MCC: variants seen among roughly 807,000 people sequenced by gnomAD.
The protein encoded by MCC is MCC regulator of Wnt signaling pathway, also known as colorectal mutant cancer protein.
Under a neutral mutation model 116.2 loss-of-function variants are expected in MCC, and 90 were observed. That is an observed-to-expected ratio of 0.77 (90% CI 0.65 to 0.92). The LOEUF (loss-of-function observed/expected upper bound fraction) is 0.92, where lower values mean the gene tolerates loss of function less well. Among genes scored for constraint, MCC ranks in the 40% least tolerant of loss-of-function variants. The probability of loss-of-function intolerance (pLI) is 0.00; values close to 1 mark genes in which losing one functional copy is unlikely to be tolerated. For missense variants in MCC, 1,516 were observed against 1,312.2 expected, an observed-to-expected ratio of 1.16 and a Z score of -2.40; for synonymous variants, 578 against 510.5, an observed-to-expected ratio of 1.13 and a Z score of -1.78.
intron 1 of MCC, among the ~76,000 whole-genome samples, chr5:113,410,015 T>C (rs1769937853): frequency 6.6e-6 from 1 of 152,198 alleles, no homozygotes; most frequent in Non-Finnish European, 1.5e-5. Context: ...GATACAGAAA[T>C]ATAGTTCTAC....
At chr5:113,328,909 G>A (rs941558670) in intron 3 of MCC, among the ~76,000 whole-genome samples, 25 of 152,118 alleles carry the variant, frequency 1.6e-4, no homozygotes, top group African/African-American at 6.0e-4. Context: ...TGTCGAATGG[G>A]TCCGAAGAAC....
At chr5:113,262,332 C>CA (rs1765248612) in intron 3 of MCC, among the ~76,000 whole-genome samples, 1 of 152,108 alleles carries the variant, frequency 6.6e-6, no homozygotes, top group Non-Finnish European at 1.5e-5. Flanking sequence ...AAAAAACAAG[C>CA]GAAACCATCC....
intron 3 of MCC, among the ~76,000 whole-genome samples, chr5:113,158,895 T>C (rs185920210): frequency 4.4e-4 from 67 of 152,272 alleles, no homozygotes; most frequent in African/African-American, 1.1e-3. Flanking sequence ...GGCTCTCCCT[T>C]GCCCGAGGGA....
chr5:113,403,842 A>C (rs1262113571), intron 1 of MCC, among the ~76,000 whole-genome samples: 1 of 152,124 alleles, frequency 6.6e-6, no homozygotes, highest in Non-Finnish European at 1.5e-5. Context: ...CTTTGGTTTT[A>C]AAAATGTCAA....
rs368111770 is a variant in MCC, at chr5:113,385,128, A to G, written c.255T>C (p.Asn85=). The change falls in exon 2 of 19, where the codon AAT becomes AAC. Residue 85 remains asparagine (N), a synonymous_variant. Coordinates refer to ENST00000408903, the MANE Select transcript of MCC (RefSeq NM_001085377.2). ...TGAAATCCTGAAAGGAAATCTTCCC[A>G]TTTTCATCTGCTCCCAACTGGTTCA... is the stretch of plus-strand genomic sequence containing the variant. ...EIMNQLGADE[N]GKISFQDFTR... 6.2e-7 allele frequency: 1 copy of G among 1,614,068 alleles called. No homozygotes were observed. Among genetic ancestry groups the G allele is most frequent in the Non-Finnish European group, 8.5e-7 (1 of 1,180,022 alleles).
intron 1 of MCC, among the ~76,000 whole-genome samples, chr5:113,403,968 G>T (rs1580336645): frequency 6.6e-6 from 1 of 152,190 alleles, no homozygotes; most frequent in East Asian, 1.9e-4. Context: ...CCGGGTTCAA[G>T]CGATTCTCCT....
intron 2 of MCC, among the ~76,000 whole-genome samples, chr5:113,371,580 C>G (rs1768837932): frequency 6.6e-6 from 1 of 152,070 alleles, no homozygotes; most frequent in African/African-American, 2.4e-5. Context: ...ATATGAAGTA[C>G]CAGATTAAAT....
intron 1 of MCC, among the ~76,000 whole-genome samples, chr5:113,428,252 G>A (rs1261370785): frequency 1.3e-5 from 2 of 152,098 alleles, no homozygotes; most frequent in Non-Finnish European, 2.9e-5. Flanking sequence ...GTAGAAGAAC[G>A]TCAATAGATT....
chr5:113,044,593 A>C (rs1421035894), intron 16 of MCC: 1 of 544,430 alleles, frequency 1.8e-6, no homozygotes, highest in Admixed American at 6.4e-5. Context: ...TTGTTTTTTG[A>C]GATGGAGTTT....
chr5:113,219,078 CTCGAGAGTGT>C, intron 3 of MCC, among the ~76,000 whole-genome samples: 1 of 152,302 alleles, frequency 6.6e-6, no homozygotes. Context: ...TCCTCTGGCT[CTCGAGAGTGT>C]TTCCAGGTTT....
intron 3 of MCC, among the ~76,000 whole-genome samples, chr5:113,292,579 A>G (rs1581375850): frequency 8.6e-6 from 1 of 116,612 alleles, no homozygotes; most frequent in East Asian, 2.3e-4. Flanking sequence ...ACAACTAGGC[A>G]AAAAAAATGG....
chr5:113,065,007 C>G (rs1195188309), intron 13 of MCC, among the ~76,000 whole-genome samples: 1 of 152,110 alleles, frequency 6.6e-6, no homozygotes, highest in Non-Finnish European at 1.5e-5. Flanking sequence ...ACAACAAGAA[C>G]AACAGCAACA....
chr5:113,412,475 G>A (rs1282173631), intron 1 of MCC, among the ~76,000 whole-genome samples: 2 of 152,184 alleles, frequency 1.3e-5, no homozygotes, highest in Non-Finnish European at 2.9e-5. Flanking sequence ...TCTCCTTGAA[G>A]AGGTCCTTCA....
chr5:113,057,679 C>T (rs1227919955), intron 14 of MCC, among the ~76,000 whole-genome samples: 8 of 152,232 alleles, frequency 5.3e-5, no homozygotes, highest in African/African-American at 1.4e-4. Context: ...AGCATCTCAG[C>T]GAAGGCCTGT....
chr5:113,167,763 A>AG (rs1760851824), intron 3 of MCC, among the ~76,000 whole-genome samples: 1 of 152,056 alleles, frequency 6.6e-6, no homozygotes, highest in Non-Finnish European at 1.5e-5. Context: ...CCCAAGTAGC[A>AG]GGGACTACAG....
intron 17 of MCC, among the ~76,000 whole-genome samples, chr5:113,032,139 T>G (rs1370162000): frequency 7.9e-5 from 12 of 152,312 alleles, no homozygotes; most frequent in African/African-American, 2.2e-4. Context: ...GGCCGGGCGC[T>G]GTGGCTCACG....
At chr5:113,392,464 T>C (rs1284521326) in intron 1 of MCC, among the ~76,000 whole-genome samples, 3 of 151,946 alleles carry the variant, frequency 2.0e-5, no homozygotes, top group Admixed American at 2.0e-4. Context: ...TCACATGGTA[T>C]TGGTGGAAGA....
intron 3 of MCC, among the ~76,000 whole-genome samples, chr5:113,160,354 C>T (rs925144840): frequency 1.3e-5 from 2 of 152,170 alleles, no homozygotes; most frequent in Admixed American, 1.3e-4. Context: ...AAAATATGTC[C>T]CATCGTAATT....
At chr5:113,181,191 A>C (rs1167407024) in intron 3 of MCC, among the ~76,000 whole-genome samples, 1 of 152,238 alleles carries the variant, frequency 6.6e-6, no homozygotes, top group African/African-American at 2.4e-5. Flanking sequence ...GATTTTCAAA[A>C]AGGAGTTTTC....
Sources: gnomAD v4.1 joint callset for allele counts (sites outside exome capture counted in the v4.1 genomes callset) on GRCh38, gnomAD v4.1.1 for gene constraint, MANE v1.5 for transcripts, NCBI Gene and HGNC (gene_info 2026-07-23, HGNC 2026-07-21) for gene names.